Variants in SERF2 observed in about 807,000 individuals in gnomAD.
SERF2 encodes small EDRK-rich factor 2.
A neutral mutation model predicts 10.7 loss-of-function variants in SERF2; 4 were observed. The observed-to-expected ratio is 0.37, with a 90% CI of 0.18 to 0.86. The LOEUF (loss-of-function observed/expected upper bound fraction) is 0.86. Among genes scored for constraint, SERF2 ranks in the 40% least tolerant of loss-of-function variants. The pLI is 0.43. For synonymous variants in SERF2, 26 were observed against 26.0 expected (o/e 1.00, Z 0.01); for missense variants, 47 against 79.1 (o/e 0.59, Z 1.54).
chr15:43,794,961 G>C lies in SERF2; in HGVS notation c.*1188G>C. The C allele has an allele frequency of 7.2e-6, 11 of 1,521,226 alleles. No homozygotes were observed. The highest frequency in any genetic ancestry group is 9.9e-6 in the Non-Finnish European group (11 of 1,113,218). The allele number at this position is 1,521,226 out of a possible 1,614,324, so 94.2% of individuals were successfully genotyped here. ...ACAGCTCCCCTTGAGCCAACTCTAG[G>C]AGTACAATGTCAGGGGAACCCCAGT... On this transcript the variant is annotated 3_prime_UTR_variant, in exon 3 of 3. Transcript: ENST00000249786.
At position 43,777,221 on chromosome 15, in the gene SERF2, C is replaced by G. The variant is rs2086927724; in HGVS notation, c.-808C>G. 4 of 541,396 alleles carry G rather than the reference C, an allele frequency of 7.4e-6. No individual in the cohort carries two copies. In the Admixed American group the frequency reaches 9.0e-5, roughly 12 times the overall value. 33.5% of individuals were successfully genotyped at this position (541,396 alleles called of 1,614,324 possible). On this transcript the variant is annotated 5_prime_UTR_variant, in exon 1 of 5. Transcript: ENST00000381359. ...CGCGACCAGCGTCTGACCTCTCACT[C>G]AGAGTCCCCAGTCCTGCCTTAGTTT...
intron 1 of SERF2, among the ~76,000 whole-genome samples, chr15:43,782,014 G>A (rs1055859932): frequency 1.3e-5 from 2 of 151,324 alleles, no homozygotes; most frequent in Admixed American, 1.3e-4. Flanking sequence ...TCAGCCTCCC[G>A]AGTACCTGGG....
chr15:43,795,440 C>CA lies in SERF2; in HGVS notation c.*1667_*1668insA, dbSNP rs1162962866. ...ACATAGAGTGAGGCAAGGAAGAAGA[C>CA]GAAGTGGAAGGCAGAATAGTTGTAG... On this transcript the variant is annotated 3_prime_UTR_variant, in exon 3 of 3. Transcript: ENST00000249786. 1 of 1,614,062 alleles carries CA rather than the reference C, an allele frequency of 6.2e-7. No homozygotes were observed. The highest frequency in any genetic ancestry group is 8.5e-7 in the Non-Finnish European group (1 of 1,180,026).
At chr15:43,784,073 G>A (rs1487950284) in intron 1 of SERF2, among the ~76,000 whole-genome samples, 4 of 150,556 alleles carry the variant, frequency 2.7e-5, no homozygotes, top group Non-Finnish European at 4.4e-5. Flanking sequence ...ATCAGCCACC[G>A]CACCTGGCCA....
At position 43,781,532 on chromosome 15, in the gene SERF2, C is replaced by T. The variant is rs138392489; in HGVS notation, c.-526-3878C>T. Among the ~76,000 whole-genome samples the T allele has an allele frequency of 1.0e-3, 152 of 148,752 alleles. 2 individuals carry two copies. The highest frequency in any genetic ancestry group is 3.6e-3 in the African/African-American group (144 of 40,262). On this transcript the variant is annotated intron_variant, in intron 1 of 4. Transcript: ENST00000381359. ...GAGCAAGGTCTGTCTCAAAAACAAACAAAACAAACAAACAAACAAACAACA... is the reference window on the plus strand; with the variant it reads ...GAGCAAGGTCTGTCTCAAAAACAAATAAAACAAACAAACAAACAAACAACA...
In SERF2 at chr15:43,795,165, G is replaced by C; in HGVS notation, c.*1392G>C. On this transcript the variant is annotated 3_prime_UTR_variant, in exon 3 of 3. Transcript: ENST00000249786. Reference sequence around the variant, plus strand: ...ATGAGGCAACCTTGACCCAGAAGGTGGCCCAGCTACCCTTGATGAAGGTCT... The same window carrying C: ...ATGAGGCAACCTTGACCCAGAAGGTCGCCCAGCTACCCTTGATGAAGGTCT... 6.2e-7 allele frequency: 1 copy of C among 1,614,128 alleles called. No homozygotes were observed. Among genetic ancestry groups the C allele is most frequent in the East Asian group, 2.2e-5 (1 of 44,884 alleles).
At position 43,793,907 on chromosome 15, in the gene SERF2, C is replaced by G. The variant is rs771542150; in HGVS notation, c.*134C>G. 5.1e-6 allele frequency: 8 copies of G among 1,583,050 alleles called. No individual in the cohort carries two copies. Among genetic ancestry groups the G allele is most frequent in the African/African-American group, 1.3e-5 (1 of 74,386 alleles). On this transcript the variant is annotated 3_prime_UTR_variant, in exon 3 of 3. Transcript: ENST00000249786. ...CATTCCCTTTGCCCTGAGTCTGCAGCGGGTCCCTTTTGTGCTTCCTTCCCC... is the reference window on the plus strand; with the variant it reads ...CATTCCCTTTGCCCTGAGTCTGCAGGGGGTCCCTTTTGTGCTTCCTTCCCC...
chr15:43,778,675 G>A (rs1164112930), intron 1 of SERF2, among the ~76,000 whole-genome samples: 6 of 150,476 alleles, frequency 4.0e-5, no homozygotes, highest in African/African-American at 7.3e-5. Flanking sequence ...TGAGGCAGGT[G>A]GATTACCTGA....
upstream of SERF2, among the ~76,000 whole-genome samples, chr15:43,789,829 G>A (rs1419647396): frequency 6.6e-6 from 1 of 151,492 alleles, no homozygotes; most frequent in East Asian, 1.9e-4. Flanking sequence ...CCAACATGGT[G>A]AAACCCTGTC....
At position 43,795,578 on chromosome 15, in the gene SERF2, T is replaced by A. The variant is rs775893138; in HGVS notation, c.*1805T>A. On this transcript the variant is annotated 3_prime_UTR_variant, in exon 3 of 3. Transcript: ENST00000249786. ...AAATGGCTGCTGGGAGCAGAGCTGC[T>A]GAAACACCTCTTCCCCTCTCCCCCA... 1.2e-6 allele frequency: 2 copies of A among 1,613,540 alleles called. No individual in the cohort carries two copies. Among genetic ancestry groups the A allele is most frequent in the Admixed American group, 1.7e-5 (1 of 60,012 alleles).
intron 1 of SERF2, among the ~76,000 whole-genome samples, chr15:43,778,724 A>G (rs1293822108): frequency 6.6e-6 from 1 of 151,232 alleles, no homozygotes; most frequent in Non-Finnish European, 1.5e-5. Context: ...ACATGGTGAA[A>G]CCCTGTCTCT....
At position 43,794,961 on chromosome 15, in the gene SERF2, G is replaced by T; in HGVS notation, c.*1188G>T. ...ACAGCTCCCCTTGAGCCAACTCTAG[G>T]AGTACAATGTCAGGGGAACCCCAGT... is the stretch of plus-strand genomic sequence containing the variant. On this transcript the variant is annotated 3_prime_UTR_variant, in exon 3 of 3. Transcript: ENST00000249786. 6.6e-7 allele frequency: 1 copy of T among 1,521,226 alleles called. No homozygotes were observed. Among genetic ancestry groups the T allele is most frequent in the Non-Finnish European group, 9.0e-7 (1 of 1,113,218 alleles). 94.2% of individuals were successfully genotyped at this position (1,521,226 alleles called of 1,614,324 possible).
At chr15:43,792,870 A>T (rs1055248197) in intron 1 of SERF2, 105 bp from the exon 2 acceptor site, 9 of 823,192 alleles carry the variant, frequency 1.1e-5, no homozygotes, top group Non-Finnish European at 1.7e-5. Context: ...GGGCCCGGAG[A>T]TTGAAGTGGT....
At chr15:43,779,234 T>G (rs2086947292) in intron 1 of SERF2, among the ~76,000 whole-genome samples, 2 of 152,156 alleles carry the variant, frequency 1.3e-5, no homozygotes, top group South Asian at 4.2e-4. Context: ...AATTTTTTTC[T>G]GATTGCTTCC....
upstream of SERF2, chr15:43,777,091 G>T: frequency 1.1e-6 from 1 of 949,020 alleles, no homozygotes; most frequent in Non-Finnish European, 1.6e-6. Context: ...GCGGCGCTTC[G>T]CTCTCCCCGG....
chr15:43,782,652 C>T (rs1305417997), intron 1 of SERF2, among the ~76,000 whole-genome samples: 1 of 152,142 alleles, frequency 6.6e-6, no homozygotes, highest in African/African-American at 2.4e-5. Flanking sequence ...TCCCTTCTAT[C>T]TCAGCTGGAG....
intron 2 of SERF2, among the ~76,000 whole-genome samples, chr15:43,786,460 A>G (rs868571136): frequency 6.6e-6 from 1 of 151,520 alleles, no homozygotes; most frequent in Non-Finnish European, 1.5e-5. Context: ...GTACGCATGG[A>G]AAGAGCTGCC....
chr15:43,794,924 G>T lies in SERF2; in HGVS notation c.*1151G>T. On this transcript the variant is annotated 3_prime_UTR_variant, in exon 3 of 3. Coordinates refer to ENST00000249786, the MANE Select transcript of SERF2 (RefSeq NM_001018108.4). ...ACTCCCTGTGTGTCCTTGAGGTATT[G>T]AGCTGGGCTGGACAGCTCCCCTTGA... 1 of 1,137,030 alleles carries T rather than the reference G, an allele frequency of 8.8e-7. No individual in the cohort carries two copies. The highest frequency in any genetic ancestry group is 1.3e-6 in the Non-Finnish European group (1 of 789,080). The allele number at this position is 1,137,030 out of a possible 1,614,324, so 70.4% of individuals were successfully genotyped here. A position where few individuals can be genotyped will look rare whatever the true frequency, so the allele number is the denominator to read the frequency against.
upstream of SERF2, among the ~76,000 whole-genome samples, chr15:43,787,850 C>T (rs1180972408): frequency 1.3e-5 from 2 of 151,476 alleles, no homozygotes; most frequent in African/African-American, 4.9e-5. Flanking sequence ...AGGCACACAC[C>T]ACCACACCTG....
Sources: gnomAD v4.1 joint callset for allele counts (sites outside exome capture counted in the v4.1 genomes callset) on GRCh38, gnomAD v4.1.1 for gene constraint, MANE v1.5 for transcripts, NCBI Gene and HGNC (gene_info 2026-07-23, HGNC 2026-07-21) for gene names.